CRTAC1: variants seen among roughly 807,000 people sequenced by gnomAD.
The protein encoded by CRTAC1 is cartilage acidic protein 1.
In CRTAC1, 37 loss-of-function variants were observed where a neutral mutation model predicts 67.8. The observed-to-expected ratio is 0.55, with a 90% CI of 0.42 to 0.72. The LOEUF (loss-of-function observed/expected upper bound fraction) is 0.72, where lower values mean the gene tolerates loss of function less well. CRTAC1 is among the 30% of genes least tolerant of loss of function. CRTAC1 has a pLI of 0.00. For synonymous variants in CRTAC1, 348 were observed against 371.0 expected (o/e 0.94, Z 0.71); for missense variants, 780 against 931.6 (o/e 0.84, Z 2.12).
chr10:97,908,528 C>T lies in CRTAC1; in HGVS notation c.716-381G>A, dbSNP rs115401528. 4.3e-4 allele frequency among the ~76,000 whole-genome samples: 66 copies of T among 152,314 alleles called. 2 individuals carry two copies. The East Asian group carries it at 0.012, about 29-fold the overall frequency. ...AGTCACAGATACCCCAACAGACTCCCGACTCTCACTTTGAGTGATACATAT... is the reference window on the plus strand; with the variant it reads ...AGTCACAGATACCCCAACAGACTCCTGACTCTCACTTTGAGTGATACATAT... On this transcript the variant is annotated intron_variant, in intron 5 of 14. Coordinates refer to ENST00000370597, the MANE Select transcript of CRTAC1 (RefSeq NM_018058.7).
intron 2 of CRTAC1, among the ~76,000 whole-genome samples, chr10:97,997,653 G>A (rs1415903777): frequency 6.6e-6 from 1 of 152,076 alleles, no homozygotes; most frequent in East Asian, 1.9e-4. Flanking sequence ...AATATTTAAA[G>A]AATGAAATGA....
rs978077526 is a variant in CRTAC1, at chr10:97,895,712, G to T, written c.1317+173C>A. Among the ~76,000 whole-genome samples, 4 of 152,144 alleles carry T rather than the reference G, an allele frequency of 2.6e-5. No individual in the cohort carries two copies. Among genetic ancestry groups the T allele is most frequent in the African/African-American group, 9.7e-5 (4 of 41,426 alleles). ...AGAGGCAAGGGCTTCTCCCAAGGCG[G>T]CCCTTCCTGAGCTTCCCGGTGCTGC... On this transcript the variant is annotated intron_variant, in intron 10 of 14. Coordinates refer to ENST00000370597, the MANE Select transcript of CRTAC1 (RefSeq NM_018058.7). This position sits in a 1 kb window ranked among gnomAD's most constrained non-coding sequence, Gnocchi z 4.2.
chr10:97,907,862 A>G, intron 6 of CRTAC1, 151 bp downstream of exon 6: 1 of 762,412 alleles, frequency 1.3e-6, no homozygotes, highest in African/African-American at 1.7e-5. Context: ...GGAAGTGACA[A>G]GCAGCGTTTC....
intron 2 of CRTAC1, among the ~76,000 whole-genome samples, chr10:97,973,129 T>A (rs2051741784): frequency 6.6e-6 from 1 of 152,234 alleles, no homozygotes; most frequent in South Asian, 2.1e-4. Flanking sequence ...TAATTTTCCA[T>A]ATTTTTAACA....
Position 98,011,345 on chromosome 10 carries a change from CA to C in CRTAC1, c.25-9del, listed in dbSNP as rs1262155081. On this transcript the variant is annotated splice_polypyrimidine_tract_variant and intron_variant, in intron 1 of 14. Transcript: ENST00000370597. ...CGGTAACATCCTGGACATCTGAAAC[CA>C]AAAGTGACAAATGTTACCGAAAGAA... The C allele has an allele frequency of 1.2e-6, 2 of 1,613,272 alleles. No individual in the cohort carries two copies. The highest frequency in any genetic ancestry group is 1.1e-5 in the South Asian group (1 of 91,012).
At chr10:98,025,396 G>C (rs1243466218) in intron 1 of CRTAC1, among the ~76,000 whole-genome samples, 1 of 152,152 alleles carries the variant, frequency 6.6e-6, no homozygotes, top group Non-Finnish European at 1.5e-5. Flanking sequence ...AAATATCTGG[G>C]AGGGGGAACA....
intron 2 of CRTAC1, among the ~76,000 whole-genome samples, chr10:97,950,677 T>C (rs2051340903): frequency 2.0e-5 from 3 of 152,132 alleles, no homozygotes; most frequent in Admixed American, 1.3e-4. Flanking sequence ...CTCTTGCTGG[T>C]CACCGCTCAT....
intron 3 of CRTAC1, among the ~76,000 whole-genome samples, chr10:97,932,123 G>A (rs535025901): frequency 1.3e-5 from 2 of 152,014 alleles, no homozygotes; most frequent in Non-Finnish European, 2.9e-5. Context: ...GACTCACTGG[G>A]CCCCCCATCT....
chr10:97,896,822 TG>T lies in CRTAC1; in HGVS notation c.1216+86del, dbSNP rs2050466015. 3.8e-5 allele frequency: 29 copies of T among 754,208 alleles called. No homozygotes were observed. The South Asian group carries it at 5.9e-4, about 15-fold the overall frequency. The allele number at this position is 754,208 out of a possible 1,614,324, so 46.7% of individuals were successfully genotyped here. ...GACAGGAGTGGCTCTGCTGTGGGACTGGCTGCCCCGTCCCTCCCGCCCTCAC... is the reference window on the plus strand; with the variant it reads ...GACAGGAGTGGCTCTGCTGTGGGACTGCTGCCCCGTCCCTCCCGCCCTCAC... On this transcript the variant is annotated intron_variant, in intron 9 of 14. Transcript: ENST00000370597.
chr10:97,890,289 G>T (rs997960369), intron 11 of CRTAC1, among the ~76,000 whole-genome samples: 1 of 100,128 alleles, frequency 1.0e-5, no homozygotes, highest in African/African-American at 4.0e-5. Context: ...GCTAATTTTT[G>T]TAGAAAGGGG....
chr10:97,915,714 G>C (rs906121132), intron 5 of CRTAC1, among the ~76,000 whole-genome samples: 1 of 152,098 alleles, frequency 6.6e-6, no homozygotes, highest in Non-Finnish European at 1.5e-5. Context: ...GGTAGTGTTG[G>C]GGGGCTTGGC....
Position 97,895,263 on chromosome 10 carries a change from C to T in CRTAC1, c.1468G>A (p.Val490Met), listed in dbSNP as rs200679751. 990 of 1,612,078 alleles carry T rather than the reference C, an allele frequency of 6.1e-4. 3 individuals are homozygous for T. Among genetic ancestry groups the T allele is most frequent in the Admixed American group, 8.7e-4 (52 of 60,018 alleles). Residue 490 changes from valine to methionine, a missense_variant, in exon 11 of 15, where the codon GTG becomes ATG. By Grantham distance (21) the Val-to-Met change is conservative. Transcript: ENST00000370597. The surrounding 1 kb of genome is among the most constrained non-coding windows in gnomAD (Gnocchi z 4.2). ...GACTCACCCAGGCCAAAGTGTGCCACGGGCTCCATCTCACACAGGTAGCCT... is the reference window on the plus strand; with the variant it reads ...GACTCACCCAGGCCAAAGTGTGCCATGGGCTCCATCTCACACAGGTAGCCT... ...GSGYLCEMEP[V>M]AHFGLGKDEA...
At chr10:97,914,480 G>A (rs1477079245) in intron 5 of CRTAC1, among the ~76,000 whole-genome samples, 4 of 152,220 alleles carry the variant, frequency 2.6e-5, no homozygotes, top group Admixed American at 2.6e-4. Flanking sequence ...TTGAAGATGA[G>A]AAAACTGAGG....
chr10:97,867,319 C>CTGG (rs1334431374), intron 14 of CRTAC1: 1 of 152,198 alleles, frequency 6.6e-6, no homozygotes, highest in Admixed American at 6.5e-5. Context: ...GCCCCTGGGG[C>CTGG]TGGTGTCCCG....
chr10:97,955,621 T>C (rs2051427646), intron 2 of CRTAC1, among the ~76,000 whole-genome samples: 1 of 152,204 alleles, frequency 6.6e-6, no homozygotes, highest in African/African-American at 2.4e-5. Context: ...AGTTCCCTTA[T>C]ATTCAATCTG....
intron 5 of CRTAC1, among the ~76,000 whole-genome samples, chr10:97,913,998 T>C (rs568815938): frequency 3.7e-4 from 57 of 152,350 alleles, no homozygotes; most frequent in African/African-American, 1.3e-3. Context: ...CCTGACATCA[T>C]AAATCCACCT....
Position 97,961,516 on chromosome 10 carries a change from C to T in CRTAC1, c.225-25150G>A, listed in dbSNP as rs191484718. ...GAGCTATATTAGAAAACACAAATTACGAGTCTGGATCTTGGGTCAGAGTGA... is the reference window on the plus strand; with the variant it reads ...GAGCTATATTAGAAAACACAAATTATGAGTCTGGATCTTGGGTCAGAGTGA... On this transcript the variant is annotated intron_variant, in intron 2 of 14. Transcript: ENST00000370597. Among the ~76,000 whole-genome samples the T allele has an allele frequency of 1.4e-3, 214 of 152,184 alleles. 1 individual carries two copies. Among genetic ancestry groups the T allele is most frequent in the Non-Finnish European group, 2.4e-3 (166 of 68,018 alleles).
chr10:97,920,801 T>C (rs1485151786), intron 4 of CRTAC1, among the ~76,000 whole-genome samples: 1 of 152,196 alleles, frequency 6.6e-6, no homozygotes, highest in Non-Finnish European at 1.5e-5. Context: ...GAAGATGAAA[T>C]GAGACAATGT....
intron 2 of CRTAC1, among the ~76,000 whole-genome samples, chr10:97,942,819 C>T (rs1158602134): frequency 6.6e-6 from 1 of 150,556 alleles, no homozygotes; most frequent in South Asian, 2.1e-4. Context: ...GTAATCCCAG[C>T]ACTTCAGGAG....
Sources: allele counts gnomAD v4.1 joint callset (sites outside exome capture counted in the v4.1 genomes callset), GRCh38; gene constraint gnomAD v4.1.1; non-coding constraint Gnocchi (gnomAD v3.1); transcripts MANE v1.5; gene names NCBI Gene and HGNC (gene_info 2026-07-23, HGNC 2026-07-21).